Variants in ZNF521 observed in about 807,000 individuals in gnomAD.
The protein encoded by ZNF521 is zinc finger protein 521.
ZNF521 carries 14 observed loss-of-function variants against 105.5 expected under a neutral mutation model. The observed-to-expected ratio is 0.13, with a 90% CI of 0.09 to 0.21. ZNF521 has a LOEUF of 0.21. Among genes scored for constraint, ZNF521 ranks in the 10% least tolerant of loss-of-function variants. The probability of loss-of-function intolerance (pLI) is 1.00; values close to 1 mark genes in which losing one functional copy is unlikely to be tolerated. For missense variants in ZNF521, 1,233 were observed against 1,629.7 expected, an observed-to-expected ratio of 0.76 and a Z score of 4.19; for synonymous variants, 635 against 606.0, an observed-to-expected ratio of 1.05 and a Z score of -0.70.
intron 3 of ZNF521, among the ~76,000 whole-genome samples, chr18:25,277,382 T>G (rs1264893534): frequency 6.6e-6 from 1 of 152,026 alleles, no homozygotes; most frequent in Non-Finnish European, 1.5e-5. Flanking sequence ...GTTTTTCATA[T>G]ATAGGAAGTA....
At chr18:25,121,920 A>G (rs750681095) in intron 5 of ZNF521, among the ~76,000 whole-genome samples, 2 of 152,196 alleles carry the variant, frequency 1.3e-5, no homozygotes, top group Non-Finnish European at 2.9e-5. Context: ...TCTGGCATCC[A>G]ATGAAAAATC....
chr18:25,137,646 C>T (rs1449260536), intron 5 of ZNF521, among the ~76,000 whole-genome samples: 3 of 152,116 alleles, frequency 2.0e-5, no homozygotes, highest in Non-Finnish European at 4.4e-5. Flanking sequence ...CCAGATTCTG[C>T]ACTTCCTTAT....
intron 5 of ZNF521, among the ~76,000 whole-genome samples, chr18:25,176,330 C>T (rs759427316): frequency 6.6e-6 from 1 of 152,172 alleles, no homozygotes; most frequent in South Asian, 2.1e-4. Context: ...TGCTAAAGAG[C>T]GCTCTAATTA....
intron 3 of ZNF521, among the ~76,000 whole-genome samples, chr18:25,259,030 T>C (rs1332873234): frequency 2.6e-5 from 4 of 152,226 alleles, no homozygotes; most frequent in Admixed American, 2.6e-4. Flanking sequence ...AGACCTAATA[T>C]GTGCCTAAGA....
intron 2 of ZNF521, among the ~76,000 whole-genome samples, chr18:25,347,350 T>A (rs1389376844): frequency 6.6e-6 from 1 of 152,192 alleles, no homozygotes; most frequent in Non-Finnish European, 1.5e-5. Flanking sequence ...ATTCGTACCA[T>A]AAGGACAGAA....
At chr18:25,262,409 T>C (rs888130250) in intron 3 of ZNF521, among the ~76,000 whole-genome samples, 2 of 152,212 alleles carry the variant, frequency 1.3e-5, no homozygotes, top group Admixed American at 1.3e-4. Context: ...TTACACTACT[T>C]GAAGACAACA....
intron 7 of ZNF521, among the ~76,000 whole-genome samples, chr18:25,079,930 G>C (rs894947035): frequency 6.6e-6 from 1 of 152,224 alleles, no homozygotes; most frequent in African/African-American, 2.4e-5. Context: ...AGGCACACAA[G>C]CTTAGCAGAT....
At chr18:25,303,272 G>A (rs929762020) in intron 3 of ZNF521, among the ~76,000 whole-genome samples, 2 of 49,950 alleles carry the variant, frequency 4.0e-5, no homozygotes, top group East Asian at 4.7e-4. Flanking sequence ...TCTTTCTTTC[G>A]TGTGTGTGTG....
intron 3 of ZNF521, among the ~76,000 whole-genome samples, chr18:25,276,665 A>C (rs1910050334): frequency 1.3e-5 from 2 of 152,216 alleles, no homozygotes; most frequent in African/African-American, 4.8e-5. Context: ...ACTGACCTGT[A>C]CTTTAAGACA....
rs45497093 is a variant in ZNF521 at position 25,162,544 on chromosome 18, C to G, written c.3658+32616G>C. ...CATCCAACAAACTTCTCTTGCATGC[C>G]AATACATTTTTAAATGTTTTCTATA... On this transcript the variant is annotated intron_variant, in intron 5 of 7. Coordinates refer to ENST00000361524, the MANE Select transcript of ZNF521 (RefSeq NM_015461.3). Among the ~76,000 whole-genome samples the G allele has an allele frequency of 6.8e-3, 1,040 of 152,212 alleles. 6 individuals carry two copies. The highest frequency in any genetic ancestry group is 0.01 in the Middle Eastern group (3 of 294).
chr18:25,320,217 G>T (rs113928015), intron 3 of ZNF521, among the ~76,000 whole-genome samples: 3 of 152,276 alleles, frequency 2.0e-5, no homozygotes, highest in African/African-American at 7.2e-5. Flanking sequence ...TTGTTGCCCA[G>T]GCTGGACTGC....
intron 3 of ZNF521, among the ~76,000 whole-genome samples, chr18:25,239,806 G>T (rs1428393743): frequency 6.6e-6 from 1 of 152,188 alleles, no homozygotes; most frequent in Non-Finnish European, 1.5e-5. Flanking sequence ...AGGAGGGCTT[G>T]ATCTCAAGTG....
intron 3 of ZNF521, among the ~76,000 whole-genome samples, chr18:25,233,713 C>G (rs546400393): frequency 6.8e-6 from 1 of 147,560 alleles, no homozygotes; most frequent in Non-Finnish European, 1.5e-5. Context: ...AAAAGAGGCT[C>G]GCTTTCCCCC....
rs1419133166 is a variant in ZNF521 at position 25,225,819 on chromosome 18, T to A, written c.2099A>T (p.Asp700Val). The A allele has an allele frequency of 6.2e-7, 1 of 1,614,214 alleles. No homozygotes were observed. The highest frequency in any genetic ancestry group is 2.2e-5 in the East Asian group (1 of 44,886). ...TSTYYICESC[D>V]KQFTSVDDLQ... ...GTCATCCACTGATGTGAATTGCTTG[T>A]CACAACTCTCACAGATGTAATACGT... The change falls in exon 4 of 8, where the codon GAC becomes GTC. Residue 700 changes from aspartate (D) to valine (V), a missense_variant. This residue lies in a region of ZNF521 where 614 missense variants were observed against 751.5 expected (regional missense o/e 0.82). Transcript: ENST00000361524. This position sits in a 1 kb window ranked among gnomAD's most constrained non-coding sequence, Gnocchi z 5.6.
chr18:25,299,734 A>G (rs1911525480), intron 3 of ZNF521, among the ~76,000 whole-genome samples: 1 of 152,230 alleles, frequency 6.6e-6, no homozygotes, highest in Non-Finnish European at 1.5e-5. Flanking sequence ...CAAGGGAACA[A>G]AAGACTACAG....
At position 25,062,505 on chromosome 18, in the gene ZNF521, C is replaced by T; in HGVS notation, c.*207G>A. 2 of 579,162 alleles carry T rather than the reference C, an allele frequency of 3.5e-6. No individual in the cohort carries two copies. Among genetic ancestry groups the T allele is most frequent in the Non-Finnish European group, 5.8e-6 (2 of 346,396 alleles). 35.9% of individuals were successfully genotyped at this position (579,162 alleles called of 1,614,324 possible). On this transcript the variant is annotated 3_prime_UTR_variant, in exon 8 of 8. Transcript: ENST00000361524. Reference sequence around the variant, plus strand: ...CATTTTAGTATCAGACGACATAATACATGTGCAACACTTTATATACAAGGG... The same window carrying T: ...CATTTTAGTATCAGACGACATAATATATGTGCAACACTTTATATACAAGGG...
intron 2 of ZNF521, among the ~76,000 whole-genome samples, chr18:25,336,062 A>G (rs535951208): frequency 6.6e-6 from 1 of 152,342 alleles, no homozygotes; most frequent in African/African-American, 2.4e-5. Flanking sequence ...AACAATGTCA[A>G]TCTGCCCCAA....
chr18:25,180,524 A>AC (rs199555223), intron 5 of ZNF521, among the ~76,000 whole-genome samples: 4 of 151,102 alleles, frequency 2.6e-5, no homozygotes, highest in African/African-American at 9.7e-5. Flanking sequence ...AAAAAAAAAA[A>AC]CCCCACATTT....
intron 4 of ZNF521, among the ~76,000 whole-genome samples, chr18:25,217,934 T>C (rs1842101710): frequency 6.6e-6 from 1 of 152,158 alleles, no homozygotes; most frequent in Admixed American, 6.5e-5. Flanking sequence ...TGGACAGCCT[T>C]CTGGAAGGTG....
Sources: allele counts gnomAD v4.1 joint callset (sites outside exome capture counted in the v4.1 genomes callset), GRCh38; gene constraint gnomAD v4.1.1; regional missense constraint gnomAD v4.1.1; non-coding constraint Gnocchi (gnomAD v3.1); transcripts MANE v1.5; gene names NCBI Gene and HGNC (gene_info 2026-07-23, HGNC 2026-07-21).